Variants in SF3B3 observed in about 807,000 individuals in gnomAD.
SF3B3 encodes SAP 130.
Under a neutral mutation model 139.2 loss-of-function variants are expected in SF3B3, and 33 were observed. The observed-to-expected ratio is 0.24, with a 90% CI of 0.18 to 0.32. The LOEUF (loss-of-function observed/expected upper bound fraction) is 0.32. Among genes scored for constraint, SF3B3 ranks in the 10% least tolerant of loss-of-function variants. The probability of loss-of-function intolerance (pLI) is 1.00; values close to 1 mark genes in which losing one functional copy is unlikely to be tolerated. For synonymous variants in SF3B3, 596 were observed against 563.6 expected (o/e 1.06, Z -0.81); for missense variants, 818 against 1,509.4 (o/e 0.54, Z 7.59).
Position 70,575,386 on chromosome 16 carries a change from A to G in SF3B3, c.*3573A>G, listed in dbSNP as rs1379475510. The G allele has an allele frequency of 6.6e-6, 1 of 151,530 alleles. No individual in the cohort carries two copies. Among genetic ancestry groups the G allele is most frequent in the Non-Finnish European group, 1.5e-5 (1 of 67,930 alleles). 9.4% of individuals were successfully genotyped at this position (151,530 alleles called of 1,614,324 possible). ...GCTAATTTTTGTATTTTTAGTAGAG[A>G]TGGGGTTTCACCATGTTGGCCAGGC... is the stretch of plus-strand genomic sequence containing the variant. On this transcript the variant is annotated 3_prime_UTR_variant, in exon 26 of 26. Transcript: ENST00000302516.
At chr16:70,543,767 T>TA (rs2050242652) in intron 9 of SF3B3, among the ~76,000 whole-genome samples, 1 of 152,158 alleles carries the variant, frequency 6.6e-6, no homozygotes, top group African/African-American at 2.4e-5. Context: ...CAGGGCTTCT[T>TA]AACATTTCTT....
rs1329164118 is a variant in SF3B3 at position 70,532,380 on chromosome 16, G to GGACTTCT, written c.571-97_571-91dup. 4.4e-6 allele frequency: 3 copies of GGACTTCT among 677,224 alleles called. No individual in the cohort carries two copies. The East Asian group carries it at 1.2e-4, about 28-fold the overall frequency. 42.0% of individuals were successfully genotyped at this position (677,224 alleles called of 1,614,324 possible). Reference sequence around the variant, plus strand: ...TCCAAAAAAAAAAGAAGACATTTGTGGACTTCTGTTTCCTCATTTGTAAAT... The same window carrying GGACTTCT: ...TCCAAAAAAAAAAGAAGACATTTGTGGACTTCTGACTTCTGTTTCCTCATTTGTAAAT... On this transcript the variant is annotated intron_variant, in intron 4 of 25. Coordinates refer to ENST00000302516, the MANE Select transcript of SF3B3 (RefSeq NM_012426.5).
intron 19 of SF3B3, 30 bp downstream of exon 19, chr16:70,565,300 G>A (rs2050465068): frequency 6.2e-7 from 1 of 1,613,508 alleles, no homozygotes; most frequent in African/African-American, 1.3e-5. Flanking sequence ...CCAGGGTTTG[G>A]CAGGCTGGAA....
intron 11 of SF3B3, chr16:70,550,247 G>A (rs1002899066): frequency 6.6e-6 from 1 of 152,210 alleles, no homozygotes; most frequent in African/African-American, 2.4e-5. Flanking sequence ...GTTGTGATGT[G>A]GTGAAAGGCA....
intron 15 of SF3B3, among the ~76,000 whole-genome samples, chr16:70,557,534 C>T (rs542294267): frequency 6.6e-6 from 1 of 152,130 alleles, no homozygotes; most frequent in Non-Finnish European, 1.5e-5. Flanking sequence ...AGTAATCTAG[C>T]CCAGGTACTT....
intron 8 of SF3B3, among the ~76,000 whole-genome samples, chr16:70,539,548 C>A (rs969167432): frequency 2.7e-5 from 4 of 149,876 alleles, no homozygotes; most frequent in African/African-American, 4.9e-5. Context: ...AACTCTCTCT[C>A]AAAAAAAAAA....
chr16:70,527,313 C>A (rs916103185), intron 2 of SF3B3, among the ~76,000 whole-genome samples: 1 of 152,172 alleles, frequency 6.6e-6, no homozygotes, highest in Non-Finnish European at 1.5e-5. Flanking sequence ...TTAGGAAATA[C>A]AAAGTTACTG....
intron 12 of SF3B3, 103 bp from the exon 13 acceptor site, chr16:70,554,947 TG>T: frequency 1.9e-6 from 2 of 1,078,426 alleles, no homozygotes; most frequent in South Asian, 1.6e-5. Flanking sequence ...TCAAATGCAG[TG>T]GCCCCAGGTC....
intron 4 of SF3B3, 100 bp downstream of exon 4, chr16:70,531,017 C>T (rs1040259304): frequency 1.9e-6 from 2 of 1,079,264 alleles, no homozygotes; most frequent in Non-Finnish European, 2.7e-6. Flanking sequence ...CCTGTAATCC[C>T]AGCACTTTGG....
In SF3B3 at chr16:70,554,574, T is replaced by C. The variant is rs1441533270; in HGVS notation, c.1531T>C (p.Leu511=). 3 of 1,614,064 alleles carry C rather than the reference T, an allele frequency of 1.9e-6. No homozygotes were observed. Among genetic ancestry groups the C allele is most frequent in the Admixed American group, 1.7e-5 (1 of 59,998 alleles). ...GTTPTLSCSL[L]GDDALVQVYP... is the part of the protein sequence containing the mutation. ...CACCCCGACCTTGTCCTGCTCCTTATTAGGAGATGATGCCTTGGTGCAGGT... is the reference window on the plus strand; with the variant it reads ...CACCCCGACCTTGTCCTGCTCCTTACTAGGAGATGATGCCTTGGTGCAGGT... The change falls in exon 12 of 26, where the codon TTA becomes CTA. Residue 511 remains leucine, a synonymous_variant. Coordinates refer to ENST00000302516, the MANE Select transcript of SF3B3 (RefSeq NM_012426.5).
chr16:70,538,039 G>T (rs1396255014), intron 6 of SF3B3: 1 of 607,102 alleles, frequency 1.6e-6, no homozygotes, highest in Non-Finnish European at 3.1e-6. Flanking sequence ...AAAATTTCAT[G>T]TCTCTTCTCT....
intron 11 of SF3B3, among the ~76,000 whole-genome samples, chr16:70,553,502 A>G (rs1426345368): frequency 6.6e-6 from 1 of 152,112 alleles, no homozygotes; most frequent in African/African-American, 2.4e-5. Flanking sequence ...ATTTCTGGTT[A>G]AGGGGGTGTT....
chr16:70,547,076 T>C (rs899457019), intron 10 of SF3B3, among the ~76,000 whole-genome samples: 1 of 152,248 alleles, frequency 6.6e-6, no homozygotes, highest in Non-Finnish European at 1.5e-5. Flanking sequence ...TTTATTCCTT[T>C]ATGTCTATTT....
At position 70,541,851 on chromosome 16, in the gene SF3B3, A is replaced by C. The variant is rs1567414229; in HGVS notation, c.1233+17A>C. ...TTTTGCCAGGTTGGTGGGCCTTTCC[A>C]GCCCCTTCCACAATAGATCTAAAGT... is the stretch of plus-strand genomic sequence containing the variant. On this transcript the variant is annotated intron_variant, in intron 9 of 25. Transcript: ENST00000302516. 2 of 1,608,456 alleles carry C rather than the reference A, an allele frequency of 1.2e-6. No individual in the cohort carries two copies. The highest frequency in any genetic ancestry group is 1.7e-6 in the Non-Finnish European group (2 of 1,176,394).
intron 4 of SF3B3, among the ~76,000 whole-genome samples, chr16:70,531,198 G>A (rs2050118117): frequency 6.6e-6 from 1 of 152,042 alleles, no homozygotes; most frequent in South Asian, 2.1e-4. Context: ...AACCCGGGAG[G>A]TGGAGCTTGC....
intron 10 of SF3B3, among the ~76,000 whole-genome samples, chr16:70,547,573 T>C (rs979052066): frequency 6.6e-6 from 1 of 152,142 alleles, no homozygotes; most frequent in Non-Finnish European, 1.5e-5. Context: ...AAACAGTTAG[T>C]ACCCTAAGAG....
In SF3B3 at chr16:70,555,223, T is replaced by C. The variant is rs2050368015; in HGVS notation, c.1710+17T>C. On this transcript the variant is annotated intron_variant, in intron 13 of 25. Coordinates refer to ENST00000302516, the MANE Select transcript of SF3B3 (RefSeq NM_012426.5). ...ATGGATCCTGTATGTTATTTTATCA[T>C]TCACTGTGGGACTTATTGTAGGGAC... is the stretch of plus-strand genomic sequence containing the variant. 2 of 1,610,550 alleles carry C rather than the reference T, an allele frequency of 1.2e-6. No individual in the cohort carries two copies. The highest frequency in any genetic ancestry group is 1.3e-5 in the African/African-American group (1 of 74,936).
In SF3B3 at chr16:70,571,143, C is replaced by T; in HGVS notation, c.3457C>T (p.Pro1153Ser). 6.2e-7 allele frequency: 1 copy of T among 1,614,042 alleles called. No individual in the cohort carries two copies. Among genetic ancestry groups the T allele is most frequent in the Non-Finnish European group, 8.5e-7 (1 of 1,179,960 alleles). Reference protein sequence around the residue: ...HVEMHLRSEHPPLCGRDHLSF... With the variant: ...HVEMHLRSEHSPLCGRDHLSF... ...GGAAATGCACCTGCGGTCTGAACAT[C>T]CCCCTCTCTGTGGGCGGGACCACCT... is the stretch of plus-strand genomic sequence containing the variant. Residue 1153 changes from proline (P) to serine (S), a missense_variant, in exon 25 of 26, where the codon CCC becomes TCC. By Grantham distance (74) the Pro-to-Ser change is moderately conservative (BLOSUM62 -1). Transcript: ENST00000302516.
intron 20 of SF3B3, among the ~76,000 whole-genome samples, chr16:70,566,422 C>T (rs2050477456): frequency 1.3e-5 from 2 of 151,818 alleles, no homozygotes. Flanking sequence ...ATCAGCCAAG[C>T]ATGGTGGTGG....
Sources: gnomAD v4.1 joint callset for allele counts (sites outside exome capture counted in the v4.1 genomes callset) on GRCh38, gnomAD v4.1.1 for gene constraint, MANE v1.5 for transcripts, NCBI Gene and HGNC (gene_info 2026-07-23, HGNC 2026-07-21) for gene names.